VPS13B: variants seen among roughly 807,000 people sequenced by gnomAD.
The protein encoded by VPS13B is vacuolar protein sorting 13 homolog B.
VPS13B carries 285 observed loss-of-function variants against 426.4 expected under a neutral mutation model. The observed-to-expected ratio is 0.67, with a 90% CI of 0.61 to 0.74. VPS13B has a LOEUF of 0.74. VPS13B is among the 30% of genes least tolerant of loss of function. VPS13B has a pLI of 0.00. For missense variants in VPS13B, 4,537 were observed against 4,782.6 expected, an observed-to-expected ratio of 0.95 and a Z score of 1.51; for synonymous variants, 1,676 against 1,676.4, an observed-to-expected ratio of 1.00 and a Z score of 0.01.
chr8:99,140,687 C>CCCTCCT (rs60620310), intron 12 of VPS13B, among the ~76,000 whole-genome samples: 63 of 140,630 alleles, frequency 4.5e-4, no homozygotes, highest in African/African-American at 1.5e-3. Flanking sequence ...CCCTTCCTCA[C>CCCTCCT]CCTCCTCCTC....
chr8:99,720,827 T>A, intron 38 of VPS13B, 36 bp from the exon 39 acceptor site: 1 of 1,573,056 alleles, frequency 6.4e-7, no homozygotes, highest in South Asian at 1.1e-5. Flanking sequence ...ATGTTCCCCT[T>A]TAAATCATAC....
chr8:99,758,659 T>G (rs1160069974), intron 39 of VPS13B, among the ~76,000 whole-genome samples: 1 of 152,112 alleles, frequency 6.6e-6, no homozygotes, highest in African/African-American at 2.4e-5. Context: ...CACTTCCTTG[T>G]TTTCTAGTCA....
chr8:99,728,709 T>C (rs1484302954), intron 39 of VPS13B, among the ~76,000 whole-genome samples: 1 of 152,214 alleles, frequency 6.6e-6, no homozygotes. Flanking sequence ...TTATGGTTAG[T>C]GGACTCTGGT....
chr8:99,661,276 T>C (rs968146658), intron 34 of VPS13B, 78 bp from the exon 35 acceptor site: 52 of 1,576,376 alleles, frequency 3.3e-5, no homozygotes, highest in Non-Finnish European at 4.2e-5. Context: ...TTCTCTCATT[T>C]ATTAACTCAA....
intron 17 of VPS13B, among the ~76,000 whole-genome samples, chr8:99,209,358 T>G (rs910552866): frequency 3.3e-5 from 5 of 152,012 alleles, no homozygotes; most frequent in African/African-American, 1.2e-4. Context: ...TTACTTATTA[T>G]GGCAAATAGA....
In VPS13B at chr8:99,720,960, A is replaced by G. The variant is rs61753724; in HGVS notation, c.6963A>G (p.Val2321=). The change falls in exon 39 of 62, where the codon GTA becomes GTG. Residue 2321 remains valine (V), a synonymous_variant. Transcript: ENST00000357162. Reference sequence around the variant, plus strand: ...TATGGAGATATCCAGAACCTAGAGTACTCACCCTTGTACGAATAACTCCTG... The same window carrying G: ...TATGGAGATATCCAGAACCTAGAGTGCTCACCCTTGTACGAATAACTCCTG... ...MMLWRYPEPR[V]LTLVRITPVP... is the part of the protein sequence containing the mutation. 0.047 allele frequency: 75,412 copies of G among 1,613,908 alleles called. 2,225 individuals are homozygous for G. The highest frequency in any genetic ancestry group is 0.14 in the African/African-American group (10,517 of 74,980).
chr8:99,859,591 G>C, intron 57 of VPS13B, 111 bp downstream of exon 57: 2 of 1,421,662 alleles, frequency 1.4e-6, no homozygotes, highest in Non-Finnish European at 1.9e-6. Flanking sequence ...GCTTTGTTTG[G>C]CCTTTTAGCT....
chr8:99,238,046 C>T (rs1247149270), intron 17 of VPS13B, among the ~76,000 whole-genome samples: 1 of 151,926 alleles, frequency 6.6e-6, no homozygotes, highest in Non-Finnish European at 1.5e-5. Flanking sequence ...GTTTGTGGGT[C>T]GTGCTTTTCC....
At chr8:99,433,088 G>C (rs180865078) in intron 22 of VPS13B, among the ~76,000 whole-genome samples, 1 of 152,170 alleles carries the variant, frequency 6.6e-6, no homozygotes, top group African/African-American at 2.4e-5. Flanking sequence ...GGAAACATTT[G>C]GGTACTCAAT....
chr8:99,546,061 C>G (rs1563789045), intron 30 of VPS13B, among the ~76,000 whole-genome samples: 2 of 151,912 alleles, frequency 1.3e-5, no homozygotes, highest in Non-Finnish European at 2.9e-5. Context: ...AAAATTCATA[C>G]CTTTCTTTAC....
At position 99,818,860 on chromosome 8, in the gene VPS13B, C is replaced by T; in HGVS notation, c.8593C>T (p.Leu2865Phe). 2 of 1,608,580 alleles carry T rather than the reference C, an allele frequency of 1.2e-6. No individual in the cohort carries two copies. The highest frequency in any genetic ancestry group is 1.1e-5 in the South Asian group (1 of 90,974). Residue 2865 changes from leucine (L) to phenylalanine (F), a missense_variant, in exon 47 of 62, where the codon CTT becomes TTT. Physicochemically the swap from Leu to Phe is conservative, Grantham distance 22. Transcript: ENST00000357162. ...EKPLQNIEPD[L>F]VHHLTFQARE... The stretch of plus-strand genomic sequence containing the variant: ...ACCACTGCAAAACATAGAACCTGAC[C>T]TTGTACATCACCTGACATTCCAAGC...
intron 31 of VPS13B, among the ~76,000 whole-genome samples, chr8:99,569,554 C>T (rs1825372859): frequency 6.6e-6 from 1 of 151,942 alleles, no homozygotes; most frequent in Non-Finnish European, 1.5e-5. Context: ...ACCACTTTTC[C>T]TACTTCTGGT....
chr8:99,351,225 T>C (rs550870152), intron 19 of VPS13B, among the ~76,000 whole-genome samples: 195 of 152,346 alleles, frequency 1.3e-3, no homozygotes, highest in African/African-American at 4.3e-3. Flanking sequence ...TGTTGCCTTA[T>C]GTCAGGTTTC....
chr8:99,162,714 G>A (rs1410106962), intron 15 of VPS13B, among the ~76,000 whole-genome samples: 2 of 152,208 alleles, frequency 1.3e-5, no homozygotes, highest in Non-Finnish European at 2.9e-5. Context: ...TCTTCGCGGT[G>A]AGTGTTACAG....
chr8:99,357,337 C>A (rs1812233501), intron 19 of VPS13B, among the ~76,000 whole-genome samples: 2 of 151,956 alleles, frequency 1.3e-5, no homozygotes, highest in African/African-American at 4.8e-5. Context: ...CATATTTTAC[C>A]CTTTTTAATA....
intron 22 of VPS13B, among the ~76,000 whole-genome samples, chr8:99,441,233 G>A (rs1184348343): frequency 6.6e-6 from 1 of 152,008 alleles, no homozygotes; most frequent in Non-Finnish European, 1.5e-5. Flanking sequence ...GTGAAGCAAA[G>A]ACAAACAGGT....
rs1229745094 is a variant in VPS13B, at chr8:99,360,155, TTTCTTTCTTTCTTTCTTTC to T, written c.2825-24050_2825-24032del. 1.8e-3 allele frequency among the ~76,000 whole-genome samples: 64 copies of T among 36,074 alleles called. 1 individual carries two copies. The East Asian group carries it at 0.032, about 18-fold the overall frequency. The allele number at this position is 36,074 out of a possible 152,430, so 23.7% of individuals were successfully genotyped here. Reference sequence around the variant, plus strand: ...CTTTCTTTCTTTCTTTCTTTCTTTCTTTCTTTCTTTCTTTCTTTCTTTCTTTCTTTCTTTCTCTCTCTCT... The same window carrying T: ...CTTTCTTTCTTTCTTTCTTTCTTTCTTTTCTTTCTTTCTTTCTCTCTCTCT... On this transcript the variant is annotated intron_variant, in intron 19 of 61. Coordinates refer to ENST00000357162, the MANE Select transcript of VPS13B (RefSeq NM_152564.5).
intron 16 of VPS13B, among the ~76,000 whole-genome samples, chr8:99,172,923 ATTTC>A (rs1453257642): frequency 6.6e-6 from 1 of 152,056 alleles, no homozygotes; most frequent in Non-Finnish European, 1.5e-5. Flanking sequence ...GCAGCTCTAA[ATTTC>A]TTTCTTTTAT....
chr8:99,302,182 G>A (rs191014933), intron 19 of VPS13B, among the ~76,000 whole-genome samples: 12 of 152,196 alleles, frequency 7.9e-5, no homozygotes, highest in African/African-American at 2.4e-4. Flanking sequence ...TGACTCCTCC[G>A]GCCATAGCTC....
Sources: allele counts gnomAD v4.1 joint callset (sites outside exome capture counted in the v4.1 genomes callset), GRCh38; gene constraint gnomAD v4.1.1; transcripts MANE v1.5; gene names NCBI Gene and HGNC (gene_info 2026-07-23, HGNC 2026-07-21).